The following ARAP2 variants were observed in gnomAD, a reference collection of about 807,000 sequenced individuals.
ARAP2 encodes the protein arf-GAP with Rho-GAP domain, ANK repeat and PH domain-containing protein 2.
ARAP2 carries 148 observed loss-of-function variants against 194.5 expected under a neutral mutation model. The ratio of observed to expected loss-of-function variants is 0.76; its 90% confidence interval spans 0.67 to 0.87. The LOEUF is 0.87. ARAP2 is among the 40% of genes least tolerant of loss of function. The pLI is 0.00. For synonymous variants in ARAP2, 695 were observed against 683.5 expected, an observed-to-expected ratio of 1.02 and a Z score of -0.26; for missense variants, 2,128 against 1,989.7, an observed-to-expected ratio of 1.07 and a Z score of -1.32.
chr4:36,164,646 T>C (rs1734850331), intron 11 of ARAP2, among the ~76,000 whole-genome samples: 2 of 152,174 alleles, frequency 1.3e-5, no homozygotes, highest in South Asian at 4.1e-4. Flanking sequence ...TCACCTAAAA[T>C]CTAGAATTTT....
At chr4:36,108,964 T>C (rs1454634600) in intron 26 of ARAP2, among the ~76,000 whole-genome samples, 1 of 151,986 alleles carries the variant, frequency 6.6e-6, no homozygotes, top group Non-Finnish European at 1.5e-5. Flanking sequence ...CTGAGCTTTT[T>C]GTTTTCGGTT....
chr4:36,177,646 T>C (rs1738269000), intron 9 of ARAP2, among the ~76,000 whole-genome samples, 181 bp downstream of exon 9: 1 of 152,182 alleles, frequency 6.6e-6, no homozygotes, highest in Admixed American at 6.5e-5. Flanking sequence ...GGAGGTACTT[T>C]CTTGCTGGTG....
At chr4:36,025,890 G>T (rs1208178099) in intron 5 of ARAP2, among the ~76,000 whole-genome samples, 1 of 151,952 alleles carries the variant, frequency 6.6e-6, no homozygotes, top group African/African-American at 2.4e-5. Flanking sequence ...TGGAATGAAG[G>T]TGCCAGGATA....
At chr4:36,199,338 C>T (rs1185027581) in intron 6 of ARAP2, among the ~76,000 whole-genome samples, 3 of 152,196 alleles carry the variant, frequency 2.0e-5, no homozygotes, top group African/African-American at 7.2e-5. Context: ...GTCACCCAAG[C>T]GGGAGTGCAG....
chr4:36,145,120 G>A (rs1428105444), intron 19 of ARAP2, among the ~76,000 whole-genome samples: 1 of 151,686 alleles, frequency 6.6e-6, no homozygotes, highest in African/African-American at 2.4e-5. Flanking sequence ...GCAGTTTGAA[G>A]ATTTCCCAAA....
At chr4:36,192,168 G>GTT (rs569144058) in intron 7 of ARAP2, among the ~76,000 whole-genome samples, 27 of 100,698 alleles carry the variant, frequency 2.7e-4, no homozygotes, top group African/African-American at 7.7e-4. Context: ...CAGTGTTTCT[G>GTT]TTTTTTTTTT....
chr4:36,106,612 C>T (rs1029152160), intron 27 of ARAP2, among the ~76,000 whole-genome samples: 1 of 151,876 alleles, frequency 6.6e-6, no homozygotes, highest in Non-Finnish European at 1.5e-5. Flanking sequence ...GTACCATCCT[C>T]CCCACCTTTT....
At chr4:36,204,901 C>A (rs1386786568) in intron 6 of ARAP2, among the ~76,000 whole-genome samples, 1 of 138,910 alleles carries the variant, frequency 7.2e-6, no homozygotes, top group Non-Finnish European at 1.5e-5. Flanking sequence ...TGGCAGAGAA[C>A]TGCTTGAACC....
chr4:36,149,793 T>A (rs967410733), intron 16 of ARAP2, among the ~76,000 whole-genome samples: 1 of 152,100 alleles, frequency 6.6e-6, no homozygotes, highest in Non-Finnish European at 1.5e-5. Flanking sequence ...TCAAATCAGA[T>A]TTACTATAAA....
chr4:36,208,021 T>C (rs1470214571), intron 6 of ARAP2, among the ~76,000 whole-genome samples: 1 of 152,222 alleles, frequency 6.6e-6, no homozygotes, highest in Non-Finnish European at 1.5e-5. Flanking sequence ...GCTAAGGCTA[T>C]CACAGCACAA....
chr4:36,124,308 G>A (rs1275231289), intron 22 of ARAP2, among the ~76,000 whole-genome samples: 2 of 151,204 alleles, frequency 1.3e-5, no homozygotes, highest in Admixed American at 1.3e-4. Context: ...TTCCTGCTAA[G>A]ATTTAAAAAA....
chr4:36,079,939 G>A lies in ARAP2; in HGVS notation c.4608+277C>T, dbSNP rs544907790. Reference sequence around the variant, plus strand: ...TTAGAAAAGTCCCTCTTTCTTACACGACCATTTTAAAGCAACACACCTCAC... The same window carrying A: ...TTAGAAAAGTCCCTCTTTCTTACACAACCATTTTAAAGCAACACACCTCAC... On this transcript the variant is annotated intron_variant, in intron 31 of 32. Transcript: ENST00000303965. Among the ~76,000 whole-genome samples the A allele has an allele frequency of 7.2e-5, 11 of 152,188 alleles. No individual in the cohort carries two copies. In the South Asian group the frequency reaches 1.2e-3, roughly 17 times the overall value.
chr4:36,218,751 A>G (rs1748535947), intron 2 of ARAP2, among the ~76,000 whole-genome samples: 1 of 152,338 alleles, frequency 6.6e-6, no homozygotes, highest in Admixed American at 6.5e-5. Context: ...CTTATTCATT[A>G]AAAAGTCACA....
chr4:36,121,084 A>T, intron 23 of ARAP2, 95 bp downstream of exon 23: 4 of 907,616 alleles, frequency 4.4e-6, no homozygotes, highest in Non-Finnish European at 6.1e-6. Context: ...AAATATGAAT[A>T]AAGATCTGAA....
intron 15 of ARAP2, among the ~76,000 whole-genome samples, chr4:36,156,459 A>G (rs1732539344): frequency 3.1e-5 from 1 of 32,114 alleles, no homozygotes; most frequent in Non-Finnish European, 6.0e-5. Context: ...GAAAGAAAGA[A>G]AGAAAGAAAT....
chr4:36,226,947 T>C (rs1750453767), intron 2 of ARAP2, among the ~76,000 whole-genome samples: 1 of 152,226 alleles, frequency 6.6e-6, no homozygotes, highest in Admixed American at 6.5e-5. Flanking sequence ...ATCTGAAGAC[T>C]TGTCATTTCT....
chr4:36,238,413 A>C (rs1276624646), intron 1 of ARAP2, among the ~76,000 whole-genome samples: 1 of 152,214 alleles, frequency 6.6e-6, no homozygotes, highest in Non-Finnish European at 1.5e-5. Context: ...TAAACAGTGG[A>C]AACACTAACT....
chr4:36,108,473 A>C (rs1350059546), intron 26 of ARAP2, among the ~76,000 whole-genome samples: 4 of 151,996 alleles, frequency 2.6e-5, no homozygotes, highest in Non-Finnish European at 5.9e-5. Flanking sequence ...TTTACAAAAT[A>C]GTACTGAAGA....
chr4:36,178,389 G>A (rs1738459111), intron 8 of ARAP2, among the ~76,000 whole-genome samples: 1 of 152,142 alleles, frequency 6.6e-6, no homozygotes, highest in Non-Finnish European at 1.5e-5. Flanking sequence ...ATAGAAGAAT[G>A]TGATATTGCT....
Sources: gnomAD v4.1 joint callset for allele counts (sites outside exome capture counted in the v4.1 genomes callset) on GRCh38, gnomAD v4.1.1 for gene constraint, MANE v1.5 for transcripts, NCBI Gene and HGNC (gene_info 2026-07-23, HGNC 2026-07-21) for gene names.